NPHS1: variants seen among roughly 807,000 people sequenced by gnomAD.
The protein encoded by NPHS1 is NPHS1 adhesion molecule, nephrin.
In NPHS1, 107 loss-of-function variants were observed where a neutral mutation model predicts 139.7. The ratio of observed to expected loss-of-function variants is 0.77; its 90% confidence interval spans 0.66 to 0.90. NPHS1 has a LOEUF of 0.90. Among genes scored for constraint, NPHS1 ranks in the 40% least tolerant of loss-of-function variants. The pLI is 0.00. For synonymous variants in NPHS1, 707 were observed against 706.6 expected, an observed-to-expected ratio of 1.00 and a Z score of -0.01; for missense variants, 1,580 against 1,654.2, an observed-to-expected ratio of 0.96 and a Z score of 0.78.
At chr19:35,833,590 C>G (rs1210468508) in intron 23 of NPHS1, among the ~76,000 whole-genome samples, 1 of 152,186 alleles carries the variant, frequency 6.6e-6, no homozygotes, top group Non-Finnish European at 1.5e-5. Context: ...AAGAAGCCAC[C>G]ACAGATGAAG....
In NPHS1 at chr19:35,839,304, C is replaced by T; in HGVS notation, c.3042G>A (p.Leu1014=). 1 of 1,614,210 alleles carries T rather than the reference C, an allele frequency of 6.2e-7. No individual in the cohort carries two copies. Among genetic ancestry groups the T allele is most frequent in the South Asian group, 1.1e-5 (1 of 91,088 alleles). ...QPSTRYRVWL[L]ASNALGDSGL... is the part of the protein sequence containing the mutation. ...CACTGTCCCCCAAGGCATTACTGGCCAGCAGCCAGACCCTGTATCTTGTAG... is the reference window on the plus strand; with the variant it reads ...CACTGTCCCCCAAGGCATTACTGGCTAGCAGCCAGACCCTGTATCTTGTAG... The change falls in exon 22 of 29, where the codon CTG becomes CTA. Residue 1014 remains leucine (L), a synonymous_variant. Transcript: ENST00000378910.
At chr19:35,842,066 G>T in intron 19 of NPHS1, 58 bp downstream of exon 19, 1 of 1,558,192 alleles carries the variant, frequency 6.4e-7, no homozygotes, top group Non-Finnish European at 8.7e-7. Context: ...GGGAGGGGAA[G>T]TGGGGCTGGA....
chr19:35,826,721 G>GTATC, intron 28 of NPHS1, 76 bp from the exon 29 acceptor site: 2 of 1,511,186 alleles, frequency 1.3e-6, no homozygotes, highest in Non-Finnish European at 1.8e-6. Context: ...GGGGATACAT[G>GTATC]CCCCTGCTTA....
rs1973203892 is a variant in NPHS1 at position 35,849,690 on chromosome 19, T to C, written c.609-37A>G. 13 of 1,516,832 alleles carry C rather than the reference T, an allele frequency of 8.6e-6. No individual in the cohort carries two copies. In the East Asian group the frequency reaches 2.9e-4, roughly 34 times the overall value. 94.0% of individuals were successfully genotyped at this position (1,516,832 alleles called of 1,614,324 possible). On this transcript the variant is annotated intron_variant, in intron 5 of 28. Transcript: ENST00000378910. ...AGTCAGGGTTATAGAGTCAGAGTCA[T>C]CATCTGAAATTTGGGGAGTCAGGGA...
rs1402745879 is a variant in NPHS1 at position 35,842,161 on chromosome 19, T to C, written c.2626A>G (p.Thr876Ala). Residue 876 changes from threonine (T) to alanine (A), a missense_variant, in exon 19 of 29, where the codon ACA becomes GCA. Coordinates refer to ENST00000378910, the MANE Select transcript of NPHS1 (RefSeq NM_004646.4). Reference protein sequence around the residue: ...RGVPNIVFTWTKNGVPLDLQD... With the variant: ...RGVPNIVFTWAKNGVPLDLQD... ...AGATCCAGAGGGACCCCGTTTTTTG[T>C]CCAAGTGAAAACGATGTTGGGGACA... is the stretch of plus-strand genomic sequence containing the variant. 1 of 1,609,074 alleles carries C rather than the reference T, an allele frequency of 6.2e-7. No homozygotes were observed. The highest frequency in any genetic ancestry group is 2.2e-5 in the East Asian group (1 of 44,766).
At chr19:35,827,626 TA>T in intron 28 of NPHS1, among the ~76,000 whole-genome samples, 1 of 152,260 alleles carries the variant, frequency 6.6e-6, no homozygotes, top group Non-Finnish European at 1.5e-5. Flanking sequence ...GTCAGAAATA[TA>T]AAACCTTTAG....
chr19:35,840,242 T>C (rs369522614), intron 20 of NPHS1, among the ~76,000 whole-genome samples: 1 of 151,704 alleles, frequency 6.6e-6, no homozygotes, highest in Admixed American at 6.6e-5. Context: ...TGACCTCAGG[T>C]GATCCACCCG....
intron 19 of NPHS1, 65 bp downstream of exon 19, chr19:35,842,059 A>C (rs751679109): frequency 1.3e-4 from 197 of 1,534,566 alleles, no homozygotes; most frequent in Middle Eastern, 5.8e-4. Flanking sequence ...GGACTCAGGG[A>C]GGGGAAGTGG....
chr19:35,839,707 T>C (rs2146816759), intron 20 of NPHS1, 100 bp from the exon 21 acceptor site: 1 of 912,264 alleles, frequency 1.1e-6, no homozygotes, highest in East Asian at 2.6e-5. Context: ...ATACAATCGC[T>C]TCTCATTGTT....
rs1476101126 is a variant in NPHS1 at position 35,849,158 on chromosome 19, G to C, written c.841-11C>G. The C allele has an allele frequency of 1.9e-6, 3 of 1,611,546 alleles. No individual in the cohort carries two copies. The highest frequency in any genetic ancestry group is 2.5e-6 in the Non-Finnish European group (3 of 1,180,012). On this transcript the variant is annotated splice_polypyrimidine_tract_variant and intron_variant, in intron 7 of 28. Transcript: ENST00000378910. ...CACCGGCTGGCCATTCTGGAGACAG[G>C]GACAGGCCTGGGCCAGCTCAGGACT...
chr19:35,846,259 C>G (rs1172259813), intron 11 of NPHS1, 65 bp from the exon 12 acceptor site: 1 of 1,508,782 alleles, frequency 6.6e-7, no homozygotes, highest in East Asian at 2.5e-5. Context: ...CCCAACCCCC[C>G]TACCCTGCCC....
intron 27 of NPHS1, 40 bp downstream of exon 27, chr19:35,831,013 T>TCC: frequency 6.2e-7 from 1 of 1,608,588 alleles, no homozygotes; most frequent in South Asian, 1.1e-5. Flanking sequence ...GCGTCGGGGG[T>TCC]ACCTCTGAGT....
At chr19:35,850,901 C>T in intron 4 of NPHS1, 60 bp downstream of exon 4, 1 of 1,602,274 alleles carries the variant, frequency 6.2e-7, no homozygotes. Flanking sequence ...CAGGAACACA[C>T]ACCCTTCCCA....
chr19:35,836,755 G>C (rs1972967236), intron 22 of NPHS1, among the ~76,000 whole-genome samples: 1 of 151,976 alleles, frequency 6.6e-6, no homozygotes, highest in South Asian at 2.1e-4. Context: ...AGCACTTTGA[G>C]AGACTGAGGC....
intron 28 of NPHS1, among the ~76,000 whole-genome samples, chr19:35,828,539 T>C (rs1308201047): frequency 3.3e-5 from 5 of 152,168 alleles, no homozygotes; most frequent in African/African-American, 9.6e-5. Flanking sequence ...GCTGGGATTA[T>C]AGGCATGAGC....
At chr19:35,850,816 C>T in intron 4 of NPHS1, 145 bp downstream of exon 4, 1 of 1,095,098 alleles carries the variant, frequency 9.1e-7, no homozygotes, top group South Asian at 1.4e-5. Context: ...CTGGCCTCAG[C>T]ATCTCCCCAC....
chr19:35,827,450 G>A (rs1027556135), intron 28 of NPHS1, among the ~76,000 whole-genome samples: 14 of 151,602 alleles, frequency 9.2e-5, no homozygotes, highest in Non-Finnish European at 1.9e-4. Flanking sequence ...GTGACAGACT[G>A]AGACTATCTC....
At chr19:35,838,744 G>A (rs1486572856) in intron 22 of NPHS1, among the ~76,000 whole-genome samples, 1 of 151,830 alleles carries the variant, frequency 6.6e-6, no homozygotes, top group African/African-American at 2.4e-5. Flanking sequence ...TTACTCAGAA[G>A]ACTGAGTCAA....
chr19:35,848,026 TG>T lies in NPHS1; in HGVS notation c.1440+14del, dbSNP rs759831159. The T allele has an allele frequency of 1.4e-5, 22 of 1,613,356 alleles. No individual in the cohort carries two copies. In the African/African-American group the frequency reaches 2.5e-4, roughly 19 times the overall value. On this transcript the variant is annotated intron_variant, in intron 11 of 28. Transcript: ENST00000378910. ...ACATTCCTGGCCACCCCCATAGCCCTGGCGTGGCACCAACCTTGTACCACAT... is the reference window on the plus strand; with the variant it reads ...ACATTCCTGGCCACCCCCATAGCCCTGCGTGGCACCAACCTTGTACCACAT...
Sources: gnomAD v4.1 joint callset for allele counts (sites outside exome capture counted in the v4.1 genomes callset) on GRCh38, gnomAD v4.1.1 for gene constraint, MANE v1.5 for transcripts, NCBI Gene and HGNC (gene_info 2026-07-23, HGNC 2026-07-21) for gene names.